The following LRMDA variants were observed in gnomAD, a reference collection of about 807,000 sequenced individuals.
The protein encoded by LRMDA is leucine-rich melanocyte differentiation-associated protein.
A neutral mutation model predicts 29.8 loss-of-function variants in LRMDA; 18 were observed. That is an observed-to-expected ratio of 0.60 (90% CI 0.42 to 0.90). LRMDA has a LOEUF of 0.90. Ranked by LOEUF, LRMDA falls within the 40% of genes least tolerant of loss-of-function variation. The pLI is 0.00. For missense variants in LRMDA, 273 were observed against 273.9 expected (o/e 1.00, Z 0.02); for synonymous variants, 125 against 109.4 (o/e 1.14, Z -0.89).
At chr10:76,172,904 A>G (rs1033079372) in intron 5 of LRMDA, among the ~76,000 whole-genome samples, 1 of 152,244 alleles carries the variant, frequency 6.6e-6, no homozygotes, top group African/African-American at 2.4e-5. Flanking sequence ...CATCAAAGAA[A>G]CATGAGAAAT....
At chr10:75,602,315 G>A (rs1692528333) in intron 2 of LRMDA, among the ~76,000 whole-genome samples, 1 of 152,180 alleles carries the variant, frequency 6.6e-6, no homozygotes, top group South Asian at 2.1e-4. Flanking sequence ...TGTTAAAAGG[G>A]AAGGGATGGG....
At chr10:76,029,208 C>A (rs1401689887) in intron 2 of LRMDA, among the ~76,000 whole-genome samples, 1 of 152,118 alleles carries the variant, frequency 6.6e-6, no homozygotes, top group Non-Finnish European at 1.5e-5. Flanking sequence ...TTCCTTAATG[C>A]ACAGAATCTG....
chr10:76,087,612 G>C (rs775638857), intron 5 of LRMDA, among the ~76,000 whole-genome samples: 55 of 152,118 alleles, frequency 3.6e-4, no homozygotes, highest in Non-Finnish European at 6.0e-4. Flanking sequence ...GGAGAATGAA[G>C]AGCTAAGGGG....
At chr10:75,588,155 G>A (rs1018155268) in intron 2 of LRMDA, among the ~76,000 whole-genome samples, 1 of 152,204 alleles carries the variant, frequency 6.6e-6, no homozygotes, top group Non-Finnish European at 1.5e-5. Flanking sequence ...GAGAAGGAAG[G>A]TTGAATGAGG....
chr10:76,531,155 T>G (rs1843229469), intron 6 of LRMDA, among the ~76,000 whole-genome samples: 1 of 152,138 alleles, frequency 6.6e-6, no homozygotes, highest in South Asian at 2.1e-4. Flanking sequence ...GCACTTCCTG[T>G]CCTTGGGAAT....
rs77125329 is a variant in LRMDA at position 76,537,725 on chromosome 10, C to T, written c.602-19484C>T. On this transcript the variant is annotated intron_variant, in intron 6 of 6. Coordinates refer to ENST00000611255, the MANE Select transcript of LRMDA (RefSeq NM_001305581.2). ...CACCCAGATAGTCCAGGATAATACC[C>T]CCATCTGCAAAGCCTCTCTTGCCAT... Among the ~76,000 whole-genome samples, 1,349 of 152,132 alleles carry T rather than the reference C, an allele frequency of 8.9e-3. 11 individuals are homozygous for T. Among genetic ancestry groups the T allele is most frequent in the Non-Finnish European group, 0.012 (814 of 68,006 alleles).
intron 2 of LRMDA, among the ~76,000 whole-genome samples, chr10:75,582,421 G>A (rs566967241): frequency 7.9e-5 from 12 of 152,296 alleles, no homozygotes; most frequent in South Asian, 2.1e-4. Context: ...TATGGCTTGC[G>A]GCCTCTGAAG....
chr10:75,967,627 G>T (rs528317247), intron 2 of LRMDA, among the ~76,000 whole-genome samples: 51 of 152,286 alleles, frequency 3.3e-4, no homozygotes, highest in African/African-American at 1.2e-3. Context: ...ATTGGAGAGG[G>T]TGATGAATCG....
chr10:75,918,166 C>T (rs1381757826), intron 2 of LRMDA, among the ~76,000 whole-genome samples: 1 of 152,132 alleles, frequency 6.6e-6, no homozygotes. Context: ...TCACTGGGGT[C>T]GAGCAAGTAG....
intron 2 of LRMDA, among the ~76,000 whole-genome samples, chr10:75,533,569 TAATA>T (rs374713347): frequency 2.2e-4 from 34 of 152,096 alleles, no homozygotes; most frequent in Admixed American, 5.2e-4. Flanking sequence ...AGTAGGTAAA[TAATA>T]AATTATGTCA....
At chr10:75,741,560 A>G (rs1842830128) in intron 2 of LRMDA, among the ~76,000 whole-genome samples, 1 of 152,150 alleles carries the variant, frequency 6.6e-6, no homozygotes, top group Non-Finnish European at 1.5e-5. Context: ...CTCCATAAAC[A>G]TGGAAGTAGG....
intron 2 of LRMDA, among the ~76,000 whole-genome samples, chr10:75,584,069 C>T (rs1043138839): frequency 2.0e-5 from 3 of 152,106 alleles, no homozygotes; most frequent in African/African-American, 7.2e-5. Context: ...ATCTGTTTTT[C>T]GCCTGTTCTT....
chr10:76,217,631 G>A (rs149527888), intron 5 of LRMDA, among the ~76,000 whole-genome samples: 8 of 152,276 alleles, frequency 5.3e-5, no homozygotes, highest in African/African-American at 1.2e-4. Flanking sequence ...TTTCTATTAC[G>A]TTCACACTGC....
intron 2 of LRMDA, among the ~76,000 whole-genome samples, chr10:75,705,167 T>G (rs1842351658): frequency 6.6e-6 from 1 of 152,224 alleles, no homozygotes; most frequent in Non-Finnish European, 1.5e-5. Context: ...CTTGCTTTCA[T>G]AAAAGCTCAA....
chr10:75,554,017 C>T (rs1840185337), intron 2 of LRMDA, among the ~76,000 whole-genome samples: 1 of 152,096 alleles, frequency 6.6e-6, no homozygotes, highest in African/African-American at 2.4e-5. Flanking sequence ...TGATGGCTAC[C>T]TTTTCAATCT....
At chr10:75,988,646 C>G (rs1040556188) in intron 2 of LRMDA, among the ~76,000 whole-genome samples, 1 of 151,998 alleles carries the variant, frequency 6.6e-6, no homozygotes, top group Non-Finnish European at 1.5e-5. Context: ...GCTCTTATTC[C>G]TAGCAGAGCA....
At chr10:76,122,742 A>G (rs1169539910) in intron 5 of LRMDA, among the ~76,000 whole-genome samples, 1 of 152,212 alleles carries the variant, frequency 6.6e-6, no homozygotes, top group East Asian at 1.9e-4. Flanking sequence ...GGAGATGAAC[A>G]TGAACATGAA....
chr10:75,594,537 T>C (rs1173475062), intron 2 of LRMDA, among the ~76,000 whole-genome samples: 3 of 152,222 alleles, frequency 2.0e-5, no homozygotes, highest in Admixed American at 6.5e-5. Flanking sequence ...TAAGGCATCA[T>C]ATGGTTTGCA....
intron 5 of LRMDA, among the ~76,000 whole-genome samples, chr10:76,160,179 G>A (rs535922323): frequency 5.3e-5 from 8 of 151,224 alleles, no homozygotes; most frequent in Non-Finnish European, 1.0e-4. Flanking sequence ...TTTTGCTTTC[G>A]AATTTAAAAC....
Sources: allele counts gnomAD v4.1 joint callset (sites outside exome capture counted in the v4.1 genomes callset), GRCh38; gene constraint gnomAD v4.1.1; transcripts MANE v1.5; gene names NCBI Gene and HGNC (gene_info 2026-07-23, HGNC 2026-07-21).